Variants in TSC2 observed in about 807,000 individuals in gnomAD.
The protein encoded by TSC2 is TSC complex subunit 2, also known as tuberin.
TSC2 carries 29 observed loss-of-function variants against 202.2 expected under a neutral mutation model. That is an observed-to-expected ratio of 0.14 (90% confidence interval 0.11 to 0.20). The LOEUF (loss-of-function observed/expected upper bound fraction) is 0.20, where lower values mean the gene tolerates loss of function less well. Among genes scored for constraint, TSC2 ranks in the 10% least tolerant of loss-of-function variants. The pLI is 1.00. For missense variants in TSC2, 2,429 were observed against 2,420.0 expected (o/e 1.00, Z -0.08); for synonymous variants, 1,349 against 1,044.0 (o/e 1.29, Z -5.63).
chr16:2,070,209 C>A (rs934315717), intron 16 of TSC2, among the ~76,000 whole-genome samples: 5 of 152,224 alleles, frequency 3.3e-5, no homozygotes, highest in Admixed American at 6.5e-5. Context: ...GCAGCTGGAG[C>A]TTCTCCATTG....
chr16:2,088,769 G>A lies in TSC2; in HGVS notation c.*159G>A, dbSNP rs534381681. On this transcript the variant is annotated 3_prime_UTR_variant, in exon 42 of 42. Coordinates refer to ENST00000219476, the MANE Select transcript of TSC2 (RefSeq NM_000548.5). ...TTGGTGCGGGGGTTGGGGGGGTGTC[G>A]AGGCTCTAGAAGCGGCCATGCCCAC... 6.8e-5 allele frequency: 71 copies of A among 1,050,678 alleles called. No individual in the cohort carries two copies. The East Asian group carries it at 1.5e-3, about 23-fold the overall frequency. 65.1% of individuals were successfully genotyped at this position (1,050,678 alleles called of 1,614,324 possible).
intron 36 of TSC2, among the ~76,000 whole-genome samples, chr16:2,085,754 C>T (rs1004923234): frequency 1.3e-5 from 2 of 152,224 alleles, no homozygotes; most frequent in African/African-American, 2.4e-5. Context: ...TGGGCAGCCT[C>T]AGCGCCCTAT....
At position 2,088,523 on chromosome 16, in the gene TSC2, G is replaced by A. The variant is rs768237144; in HGVS notation, c.5337G>A (p.Gln1779=). Residue 1779 remains glutamine, a synonymous_variant, in exon 42 of 42, where the codon CAG becomes CAA. Transcript: ENST00000219476. ...HPPSHSKAPA[Q]TPAEPTPGYE... ...CGTCCCATAGCAAAGCCCCTGCACA[G>A]ACTCCAGCCGAGCCCACACCTGGCT... is the stretch of plus-strand genomic sequence containing the variant. 2.5e-6 allele frequency: 4 copies of A among 1,612,472 alleles called. No homozygotes were observed. In the African/African-American group the frequency reaches 4.0e-5, roughly 16 times the overall value.
intron 25 of TSC2, 182 bp from the exon 26 acceptor site, chr16:2,077,416 T>C: frequency 1.2e-6 from 1 of 832,196 alleles, no homozygotes; most frequent in Non-Finnish European, 1.9e-6. Context: ...GCATTTTTGT[T>C]TTCTGTCTCT....
At position 2,056,721 on chromosome 16, in the gene TSC2, C is replaced by T. The variant is rs570051626; in HGVS notation, c.726C>T (p.Thr242=). 96 of 1,612,354 alleles carry T rather than the reference C, an allele frequency of 6.0e-5. 1 individual carries two copies. The South Asian group carries it at 9.4e-4, about 16-fold the overall frequency. The change falls in exon 8 of 42, where the codon ACC becomes ACT. Residue 242 remains threonine, a synonymous_variant. Transcript: ENST00000219476. The part of the protein sequence containing the change: ...PAESLPLFIV[T]LCRTINVKEL... ...AGAGCCTCCCGCTGTTCATCGTTACCCTCTGTCGCACCATCAACGTCAAGG... is the reference window on the plus strand; with the variant it reads ...AGAGCCTCCCGCTGTTCATCGTTACTCTCTGTCGCACCATCAACGTCAAGG...
At chr16:2,072,080 C>T in intron 19 of TSC2, 146 bp downstream of exon 19, 1 of 1,492,906 alleles carries the variant, frequency 6.7e-7, no homozygotes, top group Non-Finnish European at 8.9e-7. Flanking sequence ...CCCCGAGCAG[C>T]TGCAGGGACA....
intron 1 of TSC2, 176 bp from the exon 2 acceptor site, chr16:2,048,411 T>C: frequency 1.1e-6 from 1 of 903,564 alleles, no homozygotes; most frequent in East Asian, 2.6e-5. Context: ...TCCCGGGCTT[T>C]CCTAGGTGCC....
chr16:2,086,627 C>CGGGG, intron 37 of TSC2, 105 bp from the exon 38 acceptor site: 1 of 1,553,856 alleles, frequency 6.4e-7, no homozygotes, highest in Non-Finnish European at 8.7e-7. Flanking sequence ...ACGTGGTCCC[C>CGGGG]GCAGGCCCCC....
chr16:2,076,659 T>C (rs1371877137), intron 25 of TSC2, 74 bp downstream of exon 25: 7 of 1,497,770 alleles, frequency 4.7e-6, no homozygotes, highest in Non-Finnish European at 6.5e-6. Context: ...TGCCTGACGG[T>C]GCCTCCAAGT....
chr16:2,077,993 T>G (rs1353416562), intron 26 of TSC2, among the ~76,000 whole-genome samples: 1 of 152,202 alleles, frequency 6.6e-6, no homozygotes, highest in Non-Finnish European at 1.5e-5. Flanking sequence ...CTCCCCAGGC[T>G]GTCCCCAAGG....
rs574780462 is a variant in TSC2, at chr16:2,052,614, CA to C, written c.226-727del. Among the ~76,000 whole-genome samples, 14 of 152,316 alleles carry C rather than the reference CA, an allele frequency of 9.2e-5. No individual in the cohort carries two copies. The South Asian group carries it at 2.9e-3, about 32-fold the overall frequency. On this transcript the variant is annotated intron_variant, in intron 3 of 41. Transcript: ENST00000219476. ...TGTGAGCCACCGCACTTGGCCAGAA[CA>C]CGGCCATTTTAGTTCCCCTCCTTAG...
At chr16:2,072,801 G>A (rs779907512) in intron 20 of TSC2, 48 bp from the exon 21 acceptor site, 3 of 1,612,492 alleles carry the variant, frequency 1.9e-6, no homozygotes, top group Admixed American at 1.7e-5. Flanking sequence ...TGGCTACCCC[G>A]TGACCTGGCC....
intron 38 of TSC2, chr16:2,087,218 C>T (rs369093924): frequency 9.7e-5 from 39 of 402,658 alleles, no homozygotes; most frequent in East Asian, 1.7e-4. Context: ...AGTTGGTTAT[C>T]GCCACGCACC....
chr16:2,083,051 G>C (rs2090329403), intron 32 of TSC2: 3 of 451,982 alleles, frequency 6.6e-6, no homozygotes. Flanking sequence ...AGCTGGTTTG[G>C]AAGGGCTGCG....
In TSC2 at chr16:2,086,345, G is replaced by A. The variant is rs2151575480; in HGVS notation, c.4815G>A (p.Gln1605=). The change falls in exon 37 of 42, where the codon CAG becomes CAA. Residue 1605 remains glutamine, a synonymous_variant. Coordinates refer to ENST00000219476, the MANE Select transcript of TSC2 (RefSeq NM_000548.5). The stretch of plus-strand genomic sequence containing the variant: ...TGGACGTGTGTGGTGAGGACGGCCA[G>A]TTCACCTACTGCTGGCACGATGACA... The part of the protein sequence containing the change: ...GGLDVCGEDG[Q]FTYCWHDDIM... 6.2e-7 allele frequency: 1 copy of A among 1,612,908 alleles called. No individual in the cohort carries two copies. The highest frequency in any genetic ancestry group is 8.5e-7 in the Non-Finnish European group (1 of 1,179,932).
In TSC2 at chr16:2,071,911, G is replaced by A. The variant is rs201769220; in HGVS notation, c.2074G>A (p.Val692Ile). The A allele has an allele frequency of 1.3e-5, 20 of 1,592,924 alleles. No individual in the cohort carries two copies. Among genetic ancestry groups the A allele is most frequent in the Middle Eastern group, 1.7e-4 (1 of 5,916 alleles). Residue 692 changes from valine (V) to isoleucine (I), a missense_variant, in exon 19 of 42, where the codon GTC becomes ATC. Physicochemically the swap from Val to Ile is conservative, Grantham distance 29 (BLOSUM62 3). Transcript: ENST00000219476. ...GSVPYSLLFRVLLQCLKQESD... is the reference protein window; with the variant it reads ...GSVPYSLLFRILLQCLKQESD... ...CGTGCCCTACTCCCTGCTCTTCCGCGTCCTGCTGCAGTGCTTGAAGCAGGT... is the reference window on the plus strand; with the variant it reads ...CGTGCCCTACTCCCTGCTCTTCCGCATCCTGCTGCAGTGCTTGAAGCAGGT...
chr16:2,079,529 C>T lies in TSC2; in HGVS notation c.3285-28C>T. ...CTCGTACCAGCCTGGGGACTAAGTC[C>T]ACCCTGTGCGTGGGATTCTCTTCTC... On this transcript the variant is annotated intron_variant, in intron 28 of 41. Coordinates refer to ENST00000219476, the MANE Select transcript of TSC2 (RefSeq NM_000548.5). The surrounding 1 kb of genome is among the most constrained non-coding windows in gnomAD (Gnocchi z 4.6). The T allele has an allele frequency of 1.6e-5, 25 of 1,606,010 alleles. No individual in the cohort carries two copies. The highest frequency in any genetic ancestry group is 2.0e-5 in the Non-Finnish European group (24 of 1,176,882).
intron 36 of TSC2, 112 bp downstream of exon 36, chr16:2,085,434 C>A: frequency 8.6e-7 from 1 of 1,158,142 alleles, no homozygotes; most frequent in Admixed American, 1.9e-5. Context: ...ACTGCCGGGT[C>A]CCCTACAGCA....
chr16:2,071,633 C>T lies in TSC2; in HGVS notation c.1946+17C>T, dbSNP rs758357102. On this transcript the variant is annotated intron_variant, in intron 18 of 41. Transcript: ENST00000219476. ...CGACTACATGTACGCGGGACCTCGCCCACGGCCCATGAGGCTCAGGGCGTC... is the reference window on the plus strand; with the variant it reads ...CGACTACATGTACGCGGGACCTCGCTCACGGCCCATGAGGCTCAGGGCGTC... The T allele has an allele frequency of 6.2e-7, 1 of 1,613,014 alleles. No individual in the cohort carries two copies. The highest frequency in any genetic ancestry group is 8.5e-7 in the Non-Finnish European group (1 of 1,179,910).
Sources: allele counts gnomAD v4.1 joint callset (sites outside exome capture counted in the v4.1 genomes callset), GRCh38; gene constraint gnomAD v4.1.1; non-coding constraint Gnocchi (gnomAD v3.1); transcripts MANE v1.5; gene names NCBI Gene and HGNC (gene_info 2026-07-23, HGNC 2026-07-21).